CERS3: variants seen among roughly 807,000 people sequenced by gnomAD.
The protein encoded by CERS3 is ceramide synthase 3.
Under a neutral mutation model 50.3 loss-of-function variants are expected in CERS3, and 33 were observed. The observed-to-expected ratio is 0.66, with a 90% CI of 0.50 to 0.88. The LOEUF (loss-of-function observed/expected upper bound fraction) is 0.88, where lower values mean the gene tolerates loss of function less well. CERS3 is among the 40% of genes least tolerant of loss of function. The pLI is 0.00. For synonymous variants in CERS3, 176 were observed against 155.2 expected (o/e 1.13, Z -0.99); for missense variants, 470 against 460.3 (o/e 1.02, Z -0.19).
chr15:100,510,109 G>C (rs1375789363), intron 2 of CERS3, among the ~76,000 whole-genome samples: 1 of 151,486 alleles, frequency 6.6e-6, no homozygotes, highest in Non-Finnish European at 1.5e-5. Context: ...ACAGTGTTAA[G>C]ACCAAGCCCA....
At chr15:100,527,794 T>C (rs1485197422) in intron 1 of CERS3, among the ~76,000 whole-genome samples, 2 of 152,020 alleles carry the variant, frequency 1.3e-5, no homozygotes, top group Admixed American at 6.6e-5. Flanking sequence ...ATCAATTTGA[T>C]TGATATTTTA....
intron 2 of CERS3, among the ~76,000 whole-genome samples, chr15:100,504,830 C>T (rs911537072): frequency 6.6e-5 from 10 of 152,170 alleles, no homozygotes; most frequent in South Asian, 2.1e-4. Flanking sequence ...TAAGTGAGGA[C>T]TCAAGCTTGG....
intron 3 of CERS3, among the ~76,000 whole-genome samples, chr15:100,494,866 G>A (rs76925288): frequency 0.026 from 3,888 of 152,234 alleles, 151 homozygotes; most frequent in African/African-American, 0.087. Flanking sequence ...CCTTACACAG[G>A]TCTTCTAGAT....
intron 11 of CERS3, among the ~76,000 whole-genome samples, chr15:100,410,550 G>A (rs2031402557): frequency 6.6e-6 from 1 of 152,216 alleles, no homozygotes. Context: ...GAGGCATAGA[G>A]ACGAACTGCC....
intron 7 of CERS3, among the ~76,000 whole-genome samples, chr15:100,478,847 T>C (rs1004560465): frequency 6.6e-6 from 1 of 152,070 alleles, no homozygotes; most frequent in East Asian, 1.9e-4. Context: ...CATGGAAATA[T>C]AGGAAGCAAG....
chr15:100,541,292 C>G (rs527551603), intron 1 of CERS3, among the ~76,000 whole-genome samples: 1 of 152,102 alleles, frequency 6.6e-6, no homozygotes, highest in African/African-American at 2.4e-5. Flanking sequence ...ACCAACATGG[C>G]GAAACCCTGT....
chr15:100,534,962 C>T (rs943429291), intron 1 of CERS3, among the ~76,000 whole-genome samples: 5 of 152,092 alleles, frequency 3.3e-5, no homozygotes, highest in Non-Finnish European at 7.4e-5. Context: ...GTCCCACCTA[C>T]ACCTCAAGTT....
chr15:100,515,184 T>G (rs1348312190), intron 2 of CERS3, among the ~76,000 whole-genome samples: 2 of 152,240 alleles, frequency 1.3e-5, no homozygotes, highest in Non-Finnish European at 2.9e-5. Context: ...ATATGTGGAT[T>G]AAACTGATTT....
chr15:100,457,055 ATTAG>A (rs2034398097), intron 10 of CERS3, among the ~76,000 whole-genome samples: 1 of 152,078 alleles, frequency 6.6e-6, no homozygotes, highest in African/African-American at 2.4e-5. Flanking sequence ...TTGTAAGTAT[ATTAG>A]TTATAGAAAT....
At chr15:100,523,180 C>A (rs1437992069) in intron 1 of CERS3, among the ~76,000 whole-genome samples, 2 of 152,184 alleles carry the variant, frequency 1.3e-5, no homozygotes, top group African/African-American at 4.8e-5. Context: ...GGCGGTCTAT[C>A]TTTCAAAATT....
At chr15:100,537,692 G>A (rs1375571803) in intron 1 of CERS3, among the ~76,000 whole-genome samples, 1 of 152,180 alleles carries the variant, frequency 6.6e-6, no homozygotes, top group African/African-American at 2.4e-5. Context: ...GGACATGTGA[G>A]GATTATGGAA....
chr15:100,514,776 A>G (rs2036445319), intron 2 of CERS3, among the ~76,000 whole-genome samples: 1 of 97,626 alleles, frequency 1.0e-5, no homozygotes, highest in South Asian at 3.7e-4. Flanking sequence ...TATCACATGT[A>G]TGTGTGTGGG....
chr15:100,430,315 A>G (rs1332884338), intron 11 of CERS3, among the ~76,000 whole-genome samples: 1 of 152,180 alleles, frequency 6.6e-6, no homozygotes. Flanking sequence ...CCGTCTCAAA[A>G]AAAAAAAGAA....
At chr15:100,433,235 CA>C (rs5814963) in intron 11 of CERS3, among the ~76,000 whole-genome samples, 1,203 of 98,348 alleles carry the variant, frequency 0.012, 11 homozygotes, top group Middle Eastern at 0.035. Flanking sequence ...GACTCTGTCT[CA>C]AAAAAAAAAA....
At chr15:100,493,332 A>C (rs993178439) in intron 3 of CERS3, among the ~76,000 whole-genome samples, 3 of 152,148 alleles carry the variant, frequency 2.0e-5, no homozygotes, top group African/African-American at 7.2e-5. Context: ...TTTGGTTCAC[A>C]GTGTTTTTCT....
chr15:100,410,334 T>G (rs993020449), intron 11 of CERS3, among the ~76,000 whole-genome samples: 1 of 152,186 alleles, frequency 6.6e-6, no homozygotes, highest in Non-Finnish European at 1.5e-5. Flanking sequence ...TATTATCAGC[T>G]TGGCACTCCA....
intron 7 of CERS3, 148 bp from the exon 8 acceptor site, chr15:100,476,326 A>G (rs2035126008): frequency 2.2e-6 from 1 of 455,756 alleles, no homozygotes; most frequent in Non-Finnish European, 3.9e-6. Context: ...ATTTCAACGA[A>G]GGAATTAAAG....
At chr15:100,467,850 T>TAGATAGATTAGATAGATAG (rs1555528324) in intron 10 of CERS3, among the ~76,000 whole-genome samples, 29 of 93,138 alleles carry the variant, frequency 3.1e-4, no homozygotes, top group African/African-American at 1.0e-3. Flanking sequence ...TATATATATA[T>TAGATAGATTAGATAGATAG]ATAGATAGAT....
chr15:100,489,357 G>A (rs976123466), intron 4 of CERS3, among the ~76,000 whole-genome samples: 1 of 152,056 alleles, frequency 6.6e-6, no homozygotes, highest in Non-Finnish European at 1.5e-5. Context: ...TCTTAATCAT[G>A]AAAAAGAAAG....
Sources: gnomAD v4.1 joint callset for allele counts (sites outside exome capture counted in the v4.1 genomes callset) on GRCh38, gnomAD v4.1.1 for gene constraint, MANE v1.5 for transcripts, NCBI Gene and HGNC (gene_info 2026-07-23, HGNC 2026-07-21) for gene names.